Variants in LARS1 observed in about 807,000 individuals in gnomAD.
LARS1 encodes the protein leucine--tRNA ligase, cytoplasmic.
Under a neutral mutation model 162.8 loss-of-function variants are expected in LARS1, and 100 were observed. The ratio of observed to expected loss-of-function variants is 0.61; its 90% CI spans 0.52 to 0.73. The LOEUF (loss-of-function observed/expected upper bound fraction) is 0.73. Ranked by LOEUF, LARS1 falls within the 30% of genes least tolerant of loss-of-function variation. LARS1 has a pLI of 0.00. For missense variants in LARS1, 1,258 were observed against 1,408.9 expected, an observed-to-expected ratio of 0.89 and a Z score of 1.71; for synonymous variants, 457 against 462.8, an observed-to-expected ratio of 0.99 and a Z score of 0.16.
chr5:146,163,029 G>A (rs112096016), intron 6 of LARS1, among the ~76,000 whole-genome samples: 13 of 152,212 alleles, frequency 8.5e-5, no homozygotes, highest in South Asian at 6.2e-4. Flanking sequence ...GGCTGGTCTC[G>A]AACTCCTGGC....
chr5:146,113,776 G>A lies in LARS1; in HGVS notation c.*330C>T, dbSNP rs1394735551. 4.1e-5 allele frequency: 10 copies of A among 244,474 alleles called. No homozygotes were observed. The South Asian group carries it at 7.4e-4, about 18-fold the overall frequency. The allele number at this position is 244,474 out of a possible 1,614,324, so 15.1% of individuals were successfully genotyped here. A position where few individuals can be genotyped will look rare whatever the true frequency, so the allele number is the denominator to read the frequency against. The stretch of plus-strand genomic sequence containing the variant: ...TAGGTACACCTTAGCCTTCATCAAA[G>A]TATAAAGTACACCTCATAAAAGAAG... On this transcript the variant is annotated 3_prime_UTR_variant, in exon 32 of 32. Transcript: ENST00000394434.
chr5:146,145,561 T>A (rs1752976278), intron 15 of LARS1, among the ~76,000 whole-genome samples: 1 of 152,238 alleles, frequency 6.6e-6, no homozygotes, highest in Non-Finnish European at 1.5e-5. Flanking sequence ...GCTATTATGA[T>A]CCTAAATACT....
chr5:146,133,033 T>G lies in LARS1; in HGVS notation c.2261A>C (p.Asn754Thr). The G allele has an allele frequency of 6.2e-7, 1 of 1,614,076 alleles. No homozygotes were observed. The highest frequency in any genetic ancestry group is 8.5e-7 in the Non-Finnish European group (1 of 1,179,982). Reference sequence around the variant, plus strand: ...TGCATCTGCCATGGCTTCCACAAAGTTGGCATCTTCTACAGTGTCACCAGC... The same window carrying G: ...TGCATCTGCCATGGCTTCCACAAAGGTGGCATCTTCTACAGTGTCACCAGC... ...ADAGDTVEDA[N>T]FVEAMADAGI... is the part of the protein sequence containing the mutation. The change falls in exon 23 of 32, where the codon AAC becomes ACC. Residue 754 changes from asparagine to threonine, a missense_variant. Transcript: ENST00000394434.
intron 28 of LARS1, among the ~76,000 whole-genome samples, chr5:146,125,049 C>T (rs1751989025): frequency 6.6e-6 from 1 of 151,624 alleles, no homozygotes; most frequent in South Asian, 2.1e-4. Context: ...TATACATATA[C>T]ACATAACTAC....
At chr5:146,175,179 A>G (rs1256616804) in intron 2 of LARS1, among the ~76,000 whole-genome samples, 1 of 151,878 alleles carries the variant, frequency 6.6e-6, no homozygotes, top group Non-Finnish European at 1.5e-5. Context: ...AGATCACACA[A>G]CTGCACTCCA....
chr5:146,180,001 A>C (rs1189990513), intron 1 of LARS1, among the ~76,000 whole-genome samples: 1 of 152,228 alleles, frequency 6.6e-6, no homozygotes, highest in East Asian at 1.9e-4. Flanking sequence ...TTGGGCTGTA[A>C]ATTCTCAACA....
chr5:146,120,204 C>T, intron 31 of LARS1, 167 bp downstream of exon 31: 1 of 707,132 alleles, frequency 1.4e-6, no homozygotes, highest in Middle Eastern at 4.1e-4. Flanking sequence ...GCTACCTAGC[C>T]ACAGAGTCCC....
intron 6 of LARS1, among the ~76,000 whole-genome samples, chr5:146,162,845 C>T (rs948999552): frequency 1.3e-5 from 2 of 152,214 alleles, no homozygotes; most frequent in African/African-American, 4.8e-5. Flanking sequence ...AGCAGAGTCT[C>T]GCTCTTGTTG....
intron 19 of LARS1, 127 bp downstream of exon 19, chr5:146,143,285 G>T: frequency 7.6e-7 from 1 of 1,309,172 alleles, no homozygotes; most frequent in Non-Finnish European, 1.0e-6. Flanking sequence ...CAGTTCAATA[G>T]TAAAAAAGCA....
intron 28 of LARS1, among the ~76,000 whole-genome samples, chr5:146,125,722 C>A (rs139735689): frequency 6.6e-5 from 10 of 151,898 alleles, no homozygotes; most frequent in Admixed American, 2.6e-4. Flanking sequence ...CCATAGCCTG[C>A]GATCTTAAGC....
chr5:146,123,557 C>A (rs935716059), intron 29 of LARS1, among the ~76,000 whole-genome samples: 1 of 151,556 alleles, frequency 6.6e-6, no homozygotes, highest in Non-Finnish European at 1.5e-5. Flanking sequence ...TATCATGAAC[C>A]AATATATCAG....
chr5:146,180,153 C>T (rs1039391513), intron 1 of LARS1, among the ~76,000 whole-genome samples: 1 of 152,164 alleles, frequency 6.6e-6, no homozygotes, highest in Admixed American at 6.6e-5. Context: ...ATCACTTGAA[C>T]CCAGGAGATC....
intron 15 of LARS1, among the ~76,000 whole-genome samples, chr5:146,146,117 C>A (rs1752992820): frequency 6.6e-6 from 1 of 152,054 alleles, no homozygotes; most frequent in Admixed American, 6.5e-5. Flanking sequence ...GTAAACCCAA[C>A]ACTTTGGGAG....
rs200637592 is a variant in LARS1, at chr5:146,122,287, AG to A, written c.3192+204del. 0.011 allele frequency among the ~76,000 whole-genome samples: 1,681 copies of A among 152,248 alleles called. 25 individuals carry two copies. The highest frequency in any genetic ancestry group is 0.034 in the African/African-American group (1,423 of 41,568). On this transcript the variant is annotated intron_variant, in intron 30 of 31. Transcript: ENST00000394434. ...TTCCTATAATAGTAAACTGAGGAAA[AG>A]GTAAGTATTGCACTGACCAAGGAAT... is the stretch of plus-strand genomic sequence containing the variant.
In LARS1 at chr5:146,182,591, C is replaced by A; in HGVS notation, c.-98G>T. The A allele has an allele frequency of 3.9e-6, 6 of 1,526,006 alleles. No individual in the cohort carries two copies. The highest frequency in any genetic ancestry group is 5.5e-6 in the Non-Finnish European group (6 of 1,100,402). 94.5% of individuals were successfully genotyped at this position (1,526,006 alleles called of 1,614,324 possible). A position where few individuals can be genotyped will look rare whatever the true frequency, so the allele number is the denominator to read the frequency against. On this transcript the variant is annotated 5_prime_UTR_variant, in exon 1 of 32. It adds an upstream start codon to the 5' untranslated region. Transcript: ENST00000394434. ...CCCCTCCCTCTCGGGGATGCCAGGC[C>A]TCCCACGAAACTAAAGCACACGCTT...
In LARS1 at chr5:146,153,814, A is replaced by T; in HGVS notation, c.1154-4T>A. ...ACACTTGTAACCACACCAGTGCCTT[A>T]GAAAACAAAGTGTGGAATTAATAAC... On this transcript the variant is annotated splice_region_variant and splice_polypyrimidine_tract_variant and intron_variant, in intron 11 of 31. Coordinates refer to ENST00000394434, the MANE Select transcript of LARS1 (RefSeq NM_020117.11). 1 of 1,613,742 alleles carries T rather than the reference A, an allele frequency of 6.2e-7. No individual in the cohort carries two copies. The highest frequency in any genetic ancestry group is 8.5e-7 in the Non-Finnish European group (1 of 1,179,642).
chr5:146,140,258 G>A lies in LARS1; in HGVS notation c.2094C>T (p.Asp698=), dbSNP rs17493851. ...TTGCTCTCACAGCTGTAGGCCATTT[G>A]TCACTTCACAGATAAATGTTTAAAG... The part of the protein sequence containing the change: ...NHVAMWPEQS[D]KWPTAVRANG... Residue 698 remains aspartate, a synonymous_variant, in exon 21 of 32, where the codon GAC becomes GAT. Transcript: ENST00000394434. The A allele has an allele frequency of 0.27, 433,653 of 1,596,280 alleles. 63,622 individuals are homozygous for A. The highest frequency in any genetic ancestry group is 0.42 in the Admixed American group (24,867 of 59,808).
chr5:146,151,040 T>C (rs559983644), intron 14 of LARS1, among the ~76,000 whole-genome samples: 33 of 152,038 alleles, frequency 2.2e-4, no homozygotes, highest in Non-Finnish European at 4.4e-4. Flanking sequence ...ACTGGCTAAC[T>C]ATCTGGCTAA....
intron 2 of LARS1, among the ~76,000 whole-genome samples, chr5:146,175,524 G>C (rs1446717560): frequency 8.0e-6 from 1 of 125,012 alleles, no homozygotes; most frequent in Non-Finnish European, 1.6e-5. Flanking sequence ...CTAGGCAACA[G>C]AGCAAGACTC....
Sources: gnomAD v4.1 joint callset for allele counts (sites outside exome capture counted in the v4.1 genomes callset) on GRCh38, gnomAD v4.1.1 for gene constraint, MANE v1.5 for transcripts, NCBI Gene and HGNC (gene_info 2026-07-23, HGNC 2026-07-21) for gene names.